Variants in GABRG3 observed in about 807,000 individuals in gnomAD.
The protein encoded by GABRG3 is gamma-aminobutyric acid type A receptor subunit gamma3.
Under a neutral mutation model 48.8 loss-of-function variants are expected in GABRG3, and 25 were observed. The observed-to-expected ratio is 0.51, with a 90% confidence interval of 0.37 to 0.72. GABRG3 has a LOEUF of 0.72. Among genes scored for constraint, GABRG3 ranks in the 30% least tolerant of loss-of-function variants. The probability of loss-of-function intolerance (pLI) is 0.00; values close to 1 mark genes in which losing one functional copy is unlikely to be tolerated. For missense variants in GABRG3, 394 were observed against 577.9 expected (o/e 0.68, Z 3.26); for synonymous variants, 227 against 217.6 (o/e 1.04, Z -0.38).
At chr15:27,008,991 C>T (rs929294575) in intron 2 of GABRG3, among the ~76,000 whole-genome samples, 5 of 152,036 alleles carry the variant, frequency 3.3e-5, no homozygotes, top group African/African-American at 1.2e-4. Context: ...TGGGACGGGG[C>T]GAGGATGTAG....
intron 3 of GABRG3, among the ~76,000 whole-genome samples, chr15:27,185,065 C>G (rs1353144440): frequency 6.6e-6 from 1 of 151,362 alleles, no homozygotes; most frequent in Non-Finnish European, 1.5e-5. Flanking sequence ...TATTTCCTTC[C>G]TTTTGCTGAC....
intron 3 of GABRG3, among the ~76,000 whole-genome samples, chr15:27,254,762 T>C (rs763575939): frequency 2.0e-5 from 3 of 151,980 alleles, no homozygotes; most frequent in Non-Finnish European, 2.9e-5. Flanking sequence ...ATGTATGAAT[T>C]TGGGGGGGAC....
chr15:27,003,334 A>G (rs886098200), intron 2 of GABRG3, among the ~76,000 whole-genome samples: 2 of 151,530 alleles, frequency 1.3e-5, no homozygotes, highest in South Asian at 2.1e-4. Context: ...CAAGTGAACA[A>G]AGGTCTCTGG....
chr15:27,281,076 C>T (rs907130775), intron 3 of GABRG3, among the ~76,000 whole-genome samples: 2 of 151,992 alleles, frequency 1.3e-5, no homozygotes, highest in Non-Finnish European at 2.9e-5. Context: ...GGTAATGTTC[C>T]TCTCTGACCT....
intron 3 of GABRG3, among the ~76,000 whole-genome samples, chr15:27,232,149 G>C (rs1811292869): frequency 6.6e-6 from 1 of 152,116 alleles, no homozygotes; most frequent in Non-Finnish European, 1.5e-5. Context: ...AGGAAAAATG[G>C]AAACATTGAC....
intron 5 of GABRG3, among the ~76,000 whole-genome samples, chr15:27,372,847 T>C (rs889314283): frequency 2.6e-5 from 4 of 152,234 alleles, no homozygotes; most frequent in Non-Finnish European, 5.9e-5. Context: ...CCCAGAACAC[T>C]GTACCTTGAG....
rs1891466548 is a variant in GABRG3 at position 27,533,023 on chromosome 15, G to A, written c.*142G>A. ...TTATAAATGACCTTTCAGCAACACA[G>A]GAAGTACCCAGCAAAGGTTTCTATT... On this transcript the variant is annotated 3_prime_UTR_variant, in exon 10 of 10. Transcript: ENST00000615808. 1.4e-6 allele frequency: 1 copy of A among 703,820 alleles called. No individual in the cohort carries two copies. Among genetic ancestry groups the A allele is most frequent in the Admixed American group, 2.9e-5 (1 of 34,304 alleles). The allele number at this position is 703,820 out of a possible 1,614,324, so 43.6% of individuals were successfully genotyped here.
At chr15:27,313,262 GTATATATATATATATATA>G (rs1169926074) in intron 3 of GABRG3, among the ~76,000 whole-genome samples, 3,265 of 34,580 alleles carry the variant, frequency 0.094, 169 homozygotes, top group Admixed American at 0.18. Flanking sequence ...GTGTGTGTGT[GTATATATATATATATATA>G]TATATATATA....
chr15:27,257,299 A>C (rs1890651287), intron 3 of GABRG3, among the ~76,000 whole-genome samples: 1 of 152,078 alleles, frequency 6.6e-6, no homozygotes. Context: ...TAGGGTATTA[A>C]TCCCTTATCG....
intron 5 of GABRG3, among the ~76,000 whole-genome samples, chr15:27,459,153 T>G (rs1044556635): frequency 1.3e-5 from 2 of 152,244 alleles, no homozygotes; most frequent in African/African-American, 4.8e-5. Context: ...TTCGATGTGA[T>G]GTGTGATACC....
At chr15:27,498,129 G>A (rs1890531484) in intron 6 of GABRG3, among the ~76,000 whole-genome samples, 1 of 152,008 alleles carries the variant, frequency 6.6e-6, no homozygotes, top group South Asian at 2.1e-4. Flanking sequence ...TGTCATATAT[G>A]TGATATGCCT....
At chr15:27,103,741 G>A (rs1456026636) in intron 3 of GABRG3, among the ~76,000 whole-genome samples, 1 of 152,054 alleles carries the variant, frequency 6.6e-6, no homozygotes, top group East Asian at 1.9e-4. Context: ...CAATTCTTGA[G>A]GTCATTCTCT....
At chr15:27,294,223 C>CTTT (rs1162063750) in intron 3 of GABRG3, among the ~76,000 whole-genome samples, 13 of 129,286 alleles carry the variant, frequency 1.0e-4, no homozygotes, top group African/African-American at 2.5e-4. Context: ...TTTCTTTTTC[C>CTTT]TTTTTTTTTT....
chr15:27,429,585 T>C (rs975035171), intron 5 of GABRG3, among the ~76,000 whole-genome samples: 8 of 152,216 alleles, frequency 5.3e-5, no homozygotes, highest in Admixed American at 3.3e-4. Context: ...CTTCCCATTC[T>C]CTTTCCCCAG....
rs1172737788 is a variant in GABRG3, at chr15:27,313,254, GTGTGTGTGTATATATATA to G, written c.271-13553_271-13536del. Among the ~76,000 whole-genome samples, 150 of 62,554 alleles carry G rather than the reference GTGTGTGTGTATATATATA, an allele frequency of 2.4e-3. 2 individuals are homozygous for G. Among genetic ancestry groups the G allele is most frequent in the African/African-American group, 8.7e-3 (139 of 15,962 alleles). 41.0% of individuals were successfully genotyped at this position (62,554 alleles called of 152,430 possible). A position where few individuals can be genotyped will look rare whatever the true frequency, so the allele number is the denominator to read the frequency against. ...TATATGTATATATGTGTGTGTGTGT[GTGTGTGTGTATATATATA>G]TATATATATATATATATATATATAT... On this transcript the variant is annotated intron_variant, in intron 3 of 9. Coordinates refer to ENST00000615808, the MANE Select transcript of GABRG3 (RefSeq NM_033223.5).
intron 2 of GABRG3, among the ~76,000 whole-genome samples, chr15:27,019,053 G>GTT (rs1895833269): frequency 9.3e-6 from 1 of 107,402 alleles, no homozygotes; most frequent in African/African-American, 3.5e-5. Context: ...GTTCCCTAGA[G>GTT]TCTTTTTTTT....
intron 2 of GABRG3, among the ~76,000 whole-genome samples, chr15:27,020,661 C>T (rs1566911140): frequency 6.6e-6 from 1 of 152,098 alleles, no homozygotes; most frequent in Admixed American, 6.5e-5. Context: ...TCGTGATCCG[C>T]CCCCCTCTGC....
At chr15:27,104,536 T>C (rs1897417623) in intron 3 of GABRG3, among the ~76,000 whole-genome samples, 2 of 152,264 alleles carry the variant, frequency 1.3e-5, no homozygotes, top group African/African-American at 4.8e-5. Flanking sequence ...AACACTGATA[T>C]ATGGTATGTC....
chr15:27,116,994 A>T (rs1248982624), intron 3 of GABRG3, among the ~76,000 whole-genome samples: 1 of 152,222 alleles, frequency 6.6e-6, no homozygotes, highest in East Asian at 1.9e-4. Context: ...GTATCGTGTT[A>T]TATCAGTACA....
Sources: allele counts gnomAD v4.1 joint callset (sites outside exome capture counted in the v4.1 genomes callset), GRCh38; gene constraint gnomAD v4.1.1; transcripts MANE v1.5; gene names NCBI Gene and HGNC (gene_info 2026-07-23, HGNC 2026-07-21).